Variants in RHBDD1 observed in about 807,000 individuals in gnomAD.
The protein encoded by RHBDD1 is rhomboid domain containing 1.
Under a neutral mutation model 36.3 loss-of-function variants are expected in RHBDD1, and 38 were observed. That is an observed-to-expected ratio of 1.05 (90% CI 0.81 to 1.37). The LOEUF is 1.37. RHBDD1 is among the 40% of genes most tolerant of loss of function. RHBDD1 has a pLI of 0.00. For synonymous variants in RHBDD1, 151 were observed against 136.5 expected (o/e 1.11, Z -0.74); for missense variants, 393 against 377.6 (o/e 1.04, Z -0.34).
At position 226,917,597 on chromosome 2, in the gene RHBDD1, G is replaced by A. The variant is rs574374267; in HGVS notation, c.856+3246G>A. ...TTACGTTCTAAAACTCCTCACAGTA[G>A]AAGATTGCTAAGACTAAATGATCCA... On this transcript the variant is annotated intron_variant, in intron 8 of 8. Transcript: ENST00000392062. Among the ~76,000 whole-genome samples the A allele has an allele frequency of 2.0e-5, 3 of 152,200 alleles. No individual in the cohort carries two copies. In the South Asian group the frequency reaches 6.2e-4, roughly 31 times the overall value.
At chr2:226,824,092 T>C in the RHBDD1 span, among the ~76,000 whole-genome samples, 2 of 152,074 alleles carry the variant, frequency 1.3e-5, no homozygotes, top group Non-Finnish European at 2.9e-5. Flanking sequence ...TACACGTTTT[T>C]TCTCTCTCTA....
chr2:226,957,106 G>A lies in RHBDD1; in HGVS notation c.857-38325G>A, dbSNP rs375387256. Among the ~76,000 whole-genome samples the A allele has an allele frequency of 3.9e-5, 6 of 152,314 alleles. No homozygotes were observed. In the East Asian group the frequency reaches 9.6e-4, roughly 24 times the overall value. On this transcript the variant is annotated intron_variant, in intron 8 of 8. Coordinates refer to ENST00000392062, the MANE Select transcript of RHBDD1 (RefSeq NM_001167608.3). Reference sequence around the variant, plus strand: ...TCATTTTAGTGATACTGCCCATGGGGGCAGAAAGGTAGGATGAAATTCACC... The same window carrying A: ...TCATTTTAGTGATACTGCCCATGGGAGCAGAAAGGTAGGATGAAATTCACC...
chr2:226,858,368 T>G (rs1943529304), intron 3 of RHBDD1, among the ~76,000 whole-genome samples: 1 of 152,186 alleles, frequency 6.6e-6, no homozygotes, highest in Non-Finnish European at 1.5e-5. Context: ...TTGGAATTTG[T>G]TATACTTTTA....
the RHBDD1 span, among the ~76,000 whole-genome samples, chr2:226,814,808 T>C: frequency 1.3e-5 from 2 of 152,192 alleles, no homozygotes; most frequent in Non-Finnish European, 2.9e-5. Flanking sequence ...AGTTAATTAC[T>C]CACAGAAAAA....
At chr2:226,839,263 A>G (rs1474123387) in intron 2 of RHBDD1, 146 bp from the exon 3 acceptor site, 1 of 152,204 alleles carries the variant, frequency 6.6e-6, no homozygotes, top group Non-Finnish European at 1.5e-5. Flanking sequence ...AATTTTCTAT[A>G]TATGTAAAAT....
intron 5 of RHBDD1, among the ~76,000 whole-genome samples, chr2:226,872,318 A>C (rs1944859399): frequency 6.6e-6 from 1 of 152,254 alleles, no homozygotes; most frequent in Admixed American, 6.5e-5. Flanking sequence ...TACAAATAAT[A>C]TAATATTAAT....
the RHBDD1 span, among the ~76,000 whole-genome samples, chr2:226,824,535 C>G: frequency 3.3e-5 from 5 of 152,164 alleles, no homozygotes; most frequent in Non-Finnish European, 5.9e-5. Context: ...AGGAAGAAAT[C>G]TAAATTATGT....
chr2:226,922,609 A>G (rs758450737), intron 8 of RHBDD1, among the ~76,000 whole-genome samples: 3 of 151,868 alleles, frequency 2.0e-5, no homozygotes, highest in Non-Finnish European at 4.4e-5. Context: ...GTCTTTTTTC[A>G]TTTAATGCTA....
the RHBDD1 span, among the ~76,000 whole-genome samples, chr2:226,830,009 T>C: frequency 7.9e-3 from 1,204 of 152,180 alleles, 13 homozygotes; most frequent in South Asian, 0.043. Flanking sequence ...TTATTATTAC[T>C]AGATTGAGGG....
At chr2:226,812,083 A>G in the RHBDD1 span, among the ~76,000 whole-genome samples, 1 of 152,216 alleles carries the variant, frequency 6.6e-6, no homozygotes, top group Non-Finnish European at 1.5e-5. Context: ...TCCTCAAGCT[A>G]GTTTCATTTG....
intron 3 of RHBDD1, among the ~76,000 whole-genome samples, chr2:226,862,014 G>T (rs1943898956): frequency 1.3e-5 from 2 of 152,280 alleles, no homozygotes; most frequent in Middle Eastern, 6.8e-3. Context: ...CTAATTTTGT[G>T]TGTGTATGCA....
chr2:226,927,770 C>T (rs1949762048), intron 8 of RHBDD1, among the ~76,000 whole-genome samples: 1 of 151,926 alleles, frequency 6.6e-6, no homozygotes, highest in African/African-American at 2.4e-5. Flanking sequence ...AGTTTCTGTT[C>T]CATTATTTTG....
intron 8 of RHBDD1, among the ~76,000 whole-genome samples, chr2:226,950,060 A>AT (rs1951314566): frequency 6.6e-6 from 1 of 152,212 alleles, no homozygotes; most frequent in Non-Finnish European, 1.5e-5. Flanking sequence ...AGTTTTTGTG[A>AT]TAAGAGCCCT....
rs570949330 is a variant in RHBDD1 at position 226,984,325 on chromosome 2, C to T, written c.857-11106C>T. Among the ~76,000 whole-genome samples the T allele has an allele frequency of 6.6e-5, 10 of 152,340 alleles. No individual in the cohort carries two copies. The South Asian group carries it at 2.1e-3, about 32-fold the overall frequency. On this transcript the variant is annotated intron_variant, in intron 8 of 8. Transcript: ENST00000392062. ...TTCTGGAGGCTAGAAGTTCCAGGTA[C>T]TAATATGATCAGGTTATAGTGGGGT...
chr2:226,835,548 C>T (rs1053831642), upstream of RHBDD1: 2 of 152,224 alleles, frequency 1.3e-5, no homozygotes, highest in Non-Finnish European at 2.9e-5. Context: ...TTCCCACCCT[C>T]CGCCTAACAG....
chr2:226,953,101 A>C (rs1311493344), intron 8 of RHBDD1, among the ~76,000 whole-genome samples: 1 of 152,232 alleles, frequency 6.6e-6, no homozygotes, highest in African/African-American at 2.4e-5. Context: ...TGTATTCTTT[A>C]GGCTTGAGTC....
At chr2:226,991,295 C>T (rs1958131291) in intron 8 of RHBDD1, among the ~76,000 whole-genome samples, 1 of 152,200 alleles carries the variant, frequency 6.6e-6, no homozygotes, top group Non-Finnish European at 1.5e-5. Context: ...ATTCACCTGC[C>T]TCAGCCTCCC....
Position 226,865,053 on chromosome 2 carries a change from G to A in RHBDD1, c.360G>A (p.Leu120=), listed in dbSNP as rs1158264203. 1 of 1,614,188 alleles carries A rather than the reference G, an allele frequency of 6.2e-7. No homozygotes were observed. Among genetic ancestry groups the A allele is most frequent in the African/African-American group, 1.3e-5 (1 of 75,060 alleles). ...CTGTACTTACTGGAGTGGTATACCT[G>A]CTCTTGCAATTTGCTGTTGCCGAAT... ...AFSVLTGVVY[L]LLQFAVAEFM... The change falls in exon 4 of 9, where the codon CTG becomes CTA. Residue 120 remains leucine (L), a synonymous_variant. Transcript: ENST00000392062.
intron 5 of RHBDD1, among the ~76,000 whole-genome samples, chr2:226,879,451 C>CA (rs1226673513): frequency 6.6e-6 from 1 of 152,084 alleles, no homozygotes; most frequent in East Asian, 1.9e-4. Context: ...TGCCAGCTCT[C>CA]AAGATAGTTG....
Sources: allele counts gnomAD v4.1 joint callset (sites outside exome capture counted in the v4.1 genomes callset), GRCh38; gene constraint gnomAD v4.1.1; transcripts MANE v1.5; gene names NCBI Gene and HGNC (gene_info 2026-07-23, HGNC 2026-07-21).